The following SLC5A12 variants were observed in gnomAD, a reference collection of about 807,000 sequenced individuals.
SLC5A12 encodes sodium-coupled monocarboxylate transporter 2.
Under a neutral mutation model 72.7 loss-of-function variants are expected in SLC5A12, and 46 were observed. The ratio of observed to expected loss-of-function variants is 0.63; its 90% CI spans 0.50 to 0.81. The LOEUF (loss-of-function observed/expected upper bound fraction) is 0.81. SLC5A12 is among the 30% of genes least tolerant of loss of function. SLC5A12 has a pLI of 0.00. For synonymous variants in SLC5A12, 275 were observed against 264.4 expected, an observed-to-expected ratio of 1.04 and a Z score of -0.39; for missense variants, 683 against 740.7, an observed-to-expected ratio of 0.92 and a Z score of 0.90.
chr11:26,711,846 C>T (rs1855237213), intron 2 of SLC5A12, among the ~76,000 whole-genome samples: 1 of 152,026 alleles, frequency 6.6e-6, no homozygotes, highest in Admixed American at 6.6e-5. Flanking sequence ...TGGTTGATCT[C>T]CATAATGAAT....
chr11:26,709,180 G>C, intron 4 of SLC5A12, 132 bp downstream of exon 4: 1 of 577,216 alleles, frequency 1.7e-6, no homozygotes, highest in Non-Finnish European at 3.0e-6. Flanking sequence ...AACTGTGACA[G>C]ATAAGCCGAC....
At chr11:26,672,688 T>C (rs1224871189) in intron 14 of SLC5A12, among the ~76,000 whole-genome samples, 1 of 152,098 alleles carries the variant, frequency 6.6e-6, no homozygotes, top group Non-Finnish European at 1.5e-5. Context: ...AGTCAGTAAG[T>C]CCAATTTTGT....
At position 26,671,176 on chromosome 11, in the gene SLC5A12, G is replaced by T; in HGVS notation, c.1783C>A (p.Leu595Met). The stretch of plus-strand genomic sequence containing the variant: ...GGATCATAGCCTGGAACATGTACCA[G>T]GCTTTCTCTTCTGAGTCCGTTCTGT... Reference protein sequence around the residue: ...VLQNGLRRESLVHVPGYDPKD... With the variant: ...VLQNGLRRESMVHVPGYDPKD... Residue 595 changes from leucine to methionine, a missense_variant, in exon 15 of 15, where the codon CTG becomes ATG. By Grantham distance (15) the Leu-to-Met change is conservative. Coordinates refer to ENST00000396005, the MANE Select transcript of SLC5A12 (RefSeq NM_178498.4). 6.2e-7 allele frequency: 1 copy of T among 1,612,670 alleles called. No individual in the cohort carries two copies. Among genetic ancestry groups the T allele is most frequent in the Non-Finnish European group, 8.5e-7 (1 of 1,179,238 alleles).
chr11:26,720,155 G>A (rs763356394), intron 1 of SLC5A12, among the ~76,000 whole-genome samples: 2 of 152,030 alleles, frequency 1.3e-5, no homozygotes, highest in Non-Finnish European at 2.9e-5. Flanking sequence ...CTCCATGACA[G>A]CAGGAACTTG....
At chr11:26,693,856 T>C in intron 8 of SLC5A12, among the ~76,000 whole-genome samples, 1 of 152,308 alleles carries the variant, frequency 6.6e-6, no homozygotes. Context: ...GGTACTATTC[T>C]TATTTTTCTA....
intron 9 of SLC5A12, among the ~76,000 whole-genome samples, chr11:26,688,507 A>G (rs10742154): frequency 0.94 from 142,594 of 152,286 alleles, 67,454 homozygotes; most frequent in East Asian, 1. Flanking sequence ...TCAAACACAA[A>G]TAAACGAAGA....
chr11:26,675,312 GA>G, intron 13 of SLC5A12, among the ~76,000 whole-genome samples: 1 of 152,188 alleles, frequency 6.6e-6, no homozygotes, highest in African/African-American at 2.4e-5. Context: ...CCCTTTGGGA[GA>G]TAGCAGATGG....
intron 7 of SLC5A12, among the ~76,000 whole-genome samples, chr11:26,697,892 CTTTTTTT>C (rs34284911): frequency 1.1e-5 from 1 of 93,970 alleles, no homozygotes; most frequent in Non-Finnish European, 1.9e-5. Flanking sequence ...GAGATGCCGT[CTTTTTTT>C]TTTTTTTTTT....
chr11:26,697,488 A>G (rs937863726), intron 7 of SLC5A12, among the ~76,000 whole-genome samples: 2 of 152,126 alleles, frequency 1.3e-5, no homozygotes, highest in Admixed American at 1.3e-4. Context: ...AGCCCCTAAA[A>G]GAAGACTTCA....
chr11:26,690,976 CATAAA>C (rs1854656215), intron 9 of SLC5A12, among the ~76,000 whole-genome samples: 1 of 151,694 alleles, frequency 6.6e-6, no homozygotes, highest in African/African-American at 2.4e-5. Context: ...TTTGATCAAA[CATAAA>C]ATTAAAATTT....
chr11:26,706,388 G>A (rs1389012695), intron 4 of SLC5A12, among the ~76,000 whole-genome samples: 1 of 152,006 alleles, frequency 6.6e-6, no homozygotes, highest in Non-Finnish European at 1.5e-5. Flanking sequence ...TCTGACAGAG[G>A]TATGCAGGGT....
At chr11:26,703,425 T>TACGC in intron 6 of SLC5A12, 106 bp downstream of exon 6, 1 of 882,104 alleles carries the variant, frequency 1.1e-6, no homozygotes, top group South Asian at 1.6e-5. Context: ...CACACATACA[T>TACGC]ACACACACAC....
rs1854077045 is a variant in SLC5A12 at position 26,669,195 on chromosome 11, C to CTTTCTTTCTTTCTTTTTT, written c.*1906_*1907insAAAAAAGAAAGAAAGAAA. 8 of 69,810 alleles carry CTTTCTTTCTTTCTTTTTT rather than the reference C, an allele frequency of 1.1e-4. No homozygotes were observed. Among genetic ancestry groups the CTTTCTTTCTTTCTTTTTT allele is most frequent in the African/African-American group, 2.7e-4 (7 of 26,122 alleles). 4.3% of individuals were successfully genotyped at this position (69,810 alleles called of 1,614,324 possible). On this transcript the variant is annotated 3_prime_UTR_variant, in exon 15 of 15. Coordinates refer to ENST00000396005, the MANE Select transcript of SLC5A12 (RefSeq NM_178498.4). ...TCTTTCTTTCTTTCTTCTTTTCTTT[C>CTTTCTTTCTTTCTTTTTT]TTTCTTTCTTTCTTTCTTTCTTTCT...
chr11:26,682,983 A>G (rs1854444865), intron 11 of SLC5A12, among the ~76,000 whole-genome samples: 1 of 152,148 alleles, frequency 6.6e-6, no homozygotes, highest in South Asian at 2.1e-4. Context: ...CTAATCAAGT[A>G]TACTATCTGA....
In SLC5A12 at chr11:26,680,330, T is replaced by TATATATATGTATATATATTC. The variant is rs1565185651; in HGVS notation, c.1475+705_1475+724dup. On this transcript the variant is annotated intron_variant, in intron 12 of 14. Coordinates refer to ENST00000396005, the MANE Select transcript of SLC5A12 (RefSeq NM_178498.4). ...ATATATATATATGTATATATATTCA[T>TATATATATGTATATATATTC]ATATATATGTATATATATTCATATA... Among the ~76,000 whole-genome samples the TATATATATGTATATATATTC allele has an allele frequency of 4.5e-5, 4 of 89,462 alleles. 1 individual carries two copies. The highest frequency in any genetic ancestry group is 9.0e-5 in the African/African-American group (2 of 22,318). The allele number at this position is 89,462 out of a possible 152,430, so 58.7% of individuals were successfully genotyped here.
At chr11:26,681,552 T>G (rs1854412051) in intron 11 of SLC5A12, among the ~76,000 whole-genome samples, 1 of 152,180 alleles carries the variant, frequency 6.6e-6, no homozygotes, top group Admixed American at 6.6e-5. Flanking sequence ...TAGAAGACTT[T>G]CAGAAGTTAA....
At position 26,668,471 on chromosome 11, in the gene SLC5A12, C is replaced by G. The variant is rs1854050278; in HGVS notation, c.*2631G>C. On this transcript the variant is annotated 3_prime_UTR_variant, in exon 15 of 15. Transcript: ENST00000396005. ...TGGATGGAACTTGTCACTGAACTGTCTTTGTACTGCACCAGTGGCCTTGGC... is the reference window on the plus strand; with the variant it reads ...TGGATGGAACTTGTCACTGAACTGTGTTTGTACTGCACCAGTGGCCTTGGC... The G allele has an allele frequency of 1.3e-5, 2 of 152,078 alleles. No homozygotes were observed. Among genetic ancestry groups the G allele is most frequent in the African/African-American group, 2.4e-5 (1 of 41,408 alleles). 9.4% of individuals were successfully genotyped at this position (152,078 alleles called of 1,614,324 possible). A position where few individuals can be genotyped will look rare whatever the true frequency, so the allele number is the denominator to read the frequency against.
chr11:26,676,173 T>A (rs1160647926), intron 13 of SLC5A12, among the ~76,000 whole-genome samples: 1 of 152,188 alleles, frequency 6.6e-6, no homozygotes, highest in Non-Finnish European at 1.5e-5. Context: ...ACTAGTCCAG[T>A]AAATTTCTCT....
chr11:26,673,357 C>G (rs774342103), intron 14 of SLC5A12, 45 bp downstream of exon 14: 2 of 1,451,084 alleles, frequency 1.4e-6, no homozygotes, highest in Non-Finnish European at 1.8e-6. Context: ...ACCAGGAATC[C>G]CTTTGAGTCC....
Sources: allele counts gnomAD v4.1 joint callset (sites outside exome capture counted in the v4.1 genomes callset), GRCh38; gene constraint gnomAD v4.1.1; transcripts MANE v1.5; gene names NCBI Gene and HGNC (gene_info 2026-07-23, HGNC 2026-07-21).